Variants in SYNPR observed in about 807,000 individuals in gnomAD.
The protein encoded by SYNPR is synaptoporin.
A neutral mutation model predicts 32.9 loss-of-function variants in SYNPR; 23 were observed. That is an observed-to-expected ratio of 0.70 (90% CI 0.50 to 0.99). The LOEUF (loss-of-function observed/expected upper bound fraction) is 0.99. SYNPR is among the 50% of genes least tolerant of loss of function. The pLI, the probability that SYNPR is intolerant of heterozygous loss-of-function variation, is 0.00. For missense variants in SYNPR, 318 were observed against 349.3 expected, an observed-to-expected ratio of 0.91 and a Z score of 0.71; for synonymous variants, 146 against 135.9, an observed-to-expected ratio of 1.07 and a Z score of -0.52.
intron 2 of SYNPR, among the ~76,000 whole-genome samples, chr3:63,345,655 A>G (rs13060806): frequency 0.21 from 31,597 of 152,034 alleles, 3,786 homozygotes; most frequent in South Asian, 0.38. Flanking sequence ...TCCAACCCCA[A>G]CCAGAGCCAA....
chr3:63,250,224 T>C (rs1180750938), intron 1 of SYNPR, among the ~76,000 whole-genome samples: 2 of 152,116 alleles, frequency 1.3e-5, no homozygotes, highest in Non-Finnish European at 2.9e-5. Flanking sequence ...ATGTTTGAGG[T>C]AATGGATATG....
intron 1 of SYNPR, among the ~76,000 whole-genome samples, chr3:63,240,334 G>A (rs184718707): frequency 8.5e-5 from 13 of 152,096 alleles, no homozygotes; most frequent in Admixed American, 2.0e-4. Flanking sequence ...TTTTAACAGG[G>A]CACTTGCCTT....
intron 3 of SYNPR, among the ~76,000 whole-genome samples, chr3:63,555,027 T>C (rs1575708447): frequency 6.6e-6 from 1 of 152,108 alleles, no homozygotes; most frequent in Non-Finnish European, 1.5e-5. Context: ...ACATTATTGG[T>C]GTATAGAAAT....
At chr3:63,357,187 A>G (rs1041154049) in intron 2 of SYNPR, among the ~76,000 whole-genome samples, 6 of 152,122 alleles carry the variant, frequency 3.9e-5, no homozygotes, top group African/African-American at 9.7e-5. Flanking sequence ...ATCCCTGTTC[A>G]TCGCTGTACG....
In SYNPR at chr3:63,616,348, T is replaced by C. The variant is rs1700278309; in HGVS notation, c.*867T>C. On this transcript the variant is annotated 3_prime_UTR_variant, in exon 6 of 6. Coordinates refer to ENST00000478300, the MANE Select transcript of SYNPR (RefSeq NM_001130003.2). ...ATAAATAACACGGCCCAATAACTCT[T>C]TGTGTTTATGGAGTGTTGTTTTCTT... 6.6e-6 allele frequency: 1 copy of C among 152,176 alleles called. No homozygotes were observed. The highest frequency in any genetic ancestry group is 2.4e-5 in the African/African-American group (1 of 41,434). The allele number at this position is 152,176 out of a possible 1,614,324, so 9.4% of individuals were successfully genotyped here. A position where few individuals can be genotyped will look rare whatever the true frequency, so the allele number is the denominator to read the frequency against.
intron 2 of SYNPR, among the ~76,000 whole-genome samples, chr3:63,391,045 A>G (rs963940931): frequency 6.6e-6 from 1 of 152,222 alleles, no homozygotes; most frequent in African/African-American, 2.4e-5. Context: ...AAAATAAGGT[A>G]TACTGGGTTT....
intron 3 of SYNPR, among the ~76,000 whole-genome samples, chr3:63,530,930 G>A (rs1702102119): frequency 6.6e-6 from 1 of 152,124 alleles, no homozygotes; most frequent in African/African-American, 2.4e-5. Context: ...GCTTTGTGGG[G>A]GAGTTTTCAT....
rs772661619 is a variant in SYNPR, at chr3:63,556,767, C to T, written c.408+26C>T. 1.9e-6 allele frequency: 3 copies of T among 1,551,064 alleles called. No homozygotes were observed. The Admixed American group carries it at 5.6e-5, about 29-fold the overall frequency. ...GTAAGTGGTTTTCTTTTTCAAATAACTTTTTCTGTTCCTTCTAATTTCTTT... is the reference window on the plus strand; with the variant it reads ...GTAAGTGGTTTTCTTTTTCAAATAATTTTTTCTGTTCCTTCTAATTTCTTT... On this transcript the variant is annotated intron_variant, in intron 4 of 5. Transcript: ENST00000478300.
chr3:63,509,968 T>C (rs1261764473), intron 3 of SYNPR, among the ~76,000 whole-genome samples: 1 of 152,108 alleles, frequency 6.6e-6, no homozygotes, highest in Non-Finnish European at 1.5e-5. Flanking sequence ...TTGCTTCCTT[T>C]TTTTCCTTTC....
intron 4 of SYNPR, among the ~76,000 whole-genome samples, chr3:63,595,054 G>A (rs1252824597): frequency 1.3e-5 from 2 of 152,168 alleles, no homozygotes; most frequent in African/African-American, 4.8e-5. Context: ...CTGAGGTAGG[G>A]TGTGAACCAG....
chr3:63,264,901 G>A (rs952853695), intron 2 of SYNPR, among the ~76,000 whole-genome samples: 4 of 126,814 alleles, frequency 3.2e-5, no homozygotes, highest in Non-Finnish European at 5.1e-5. Flanking sequence ...AACAGCATGG[G>A]GGAAACAGCT....
At chr3:63,447,870 T>C (rs1015289504) in intron 2 of SYNPR, among the ~76,000 whole-genome samples, 2 of 152,162 alleles carry the variant, frequency 1.3e-5, no homozygotes, top group Admixed American at 6.5e-5. Flanking sequence ...CAGTTTACCA[T>C]GGAGCTTTGA....
At chr3:63,264,768 T>G (rs1443845371) in intron 2 of SYNPR, among the ~76,000 whole-genome samples, 1 of 152,078 alleles carries the variant, frequency 6.6e-6, no homozygotes, top group African/African-American at 2.4e-5. Context: ...CTTACAATCG[T>G]AGCGGAAGGC....
At chr3:63,611,174 C>A (rs560828708) in intron 5 of SYNPR, among the ~76,000 whole-genome samples, 2 of 152,284 alleles carry the variant, frequency 1.3e-5, no homozygotes, top group African/African-American at 4.8e-5. Context: ...GATATTAAGT[C>A]GCTCATACAA....
At chr3:63,483,721 A>G (rs1411184848) in intron 3 of SYNPR, among the ~76,000 whole-genome samples, 1 of 152,186 alleles carries the variant, frequency 6.6e-6, no homozygotes, top group Non-Finnish European at 1.5e-5. Context: ...GAAATTCCAA[A>G]TGGATTGAAG....
chr3:63,408,363 A>AGAGGAAGGAAGGAAGGAAGGAAGGAAG, intron 2 of SYNPR, among the ~76,000 whole-genome samples: 3 of 151,368 alleles, frequency 2.0e-5, no homozygotes, highest in African/African-American at 7.3e-5. Context: ...AAAGAAAGAA[A>AGAGGAAGGAAGGAAGGAAGGAAGGAAG]GAAAGAAAGA....
intron 2 of SYNPR, among the ~76,000 whole-genome samples, chr3:63,410,598 G>T (rs1470505096): frequency 6.6e-6 from 1 of 152,126 alleles, no homozygotes; most frequent in Non-Finnish European, 1.5e-5. Flanking sequence ...TGTCTGCCTT[G>T]TATCTTTTAA....
intron 2 of SYNPR, among the ~76,000 whole-genome samples, chr3:63,328,744 G>T (rs1375827289): frequency 2.6e-5 from 4 of 152,066 alleles, no homozygotes; most frequent in South Asian, 4.1e-4. Flanking sequence ...CCCCAGAGCT[G>T]GTACTTGAAT....
chr3:63,263,535 G>T (rs1402041780), intron 2 of SYNPR, among the ~76,000 whole-genome samples: 4 of 152,330 alleles, frequency 2.6e-5, no homozygotes. Context: ...ATTTTGGGCA[G>T]CAATCAACAG....
Sources: allele counts gnomAD v4.1 joint callset (sites outside exome capture counted in the v4.1 genomes callset), GRCh38; gene constraint gnomAD v4.1.1; transcripts MANE v1.5; gene names NCBI Gene and HGNC (gene_info 2026-07-23, HGNC 2026-07-21).